NCOA2: variants seen among roughly 807,000 people sequenced by gnomAD.
The protein encoded by NCOA2 is class E basic helix-loop-helix protein 75.
In NCOA2, 21 loss-of-function variants were observed where a neutral mutation model predicts 145.1. The observed-to-expected ratio is 0.14, with a 90% confidence interval of 0.10 to 0.21. The LOEUF (loss-of-function observed/expected upper bound fraction) is 0.21. NCOA2 is among the 10% of genes least tolerant of loss of function. NCOA2 has a pLI of 1.00. For missense variants in NCOA2, 1,472 were observed against 1,837.6 expected (o/e 0.80, Z 3.64); for synonymous variants, 619 against 637.5 (o/e 0.97, Z 0.44).
At chr8:70,298,115 A>G (rs1366464918) in intron 1 of NCOA2, among the ~76,000 whole-genome samples, 1 of 152,204 alleles carries the variant, frequency 6.6e-6, no homozygotes, top group Non-Finnish European at 1.5e-5. Context: ...CATCAGTAAG[A>G]ATTTACAATT....
chr8:70,309,768 T>C (rs1377965808), intron 1 of NCOA2, among the ~76,000 whole-genome samples: 3 of 151,758 alleles, frequency 2.0e-5, no homozygotes, highest in Admixed American at 6.6e-5. Context: ...ATGGGCAACA[T>C]AGTGAGACAC....
At chr8:70,240,832 A>G (rs1259950332) in intron 2 of NCOA2, among the ~76,000 whole-genome samples, 1 of 152,200 alleles carries the variant, frequency 6.6e-6, no homozygotes, top group East Asian at 1.9e-4. Flanking sequence ...ACTAGGAGCC[A>G]TGCCTCAGAA....
At chr8:70,167,803 A>G (rs1813797319) in intron 6 of NCOA2, among the ~76,000 whole-genome samples, 1 of 152,260 alleles carries the variant, frequency 6.6e-6, no homozygotes, top group South Asian at 2.1e-4. Flanking sequence ...AGAGATAACA[A>G]TGAAAGAAAT....
chr8:70,293,995 T>C (rs914566796), intron 2 of NCOA2, among the ~76,000 whole-genome samples: 2 of 152,150 alleles, frequency 1.3e-5, no homozygotes, highest in Admixed American at 6.5e-5. Context: ...TATTTTCAAA[T>C]CAAAATCTTA....
At chr8:70,440,570 A>G in the NCOA2 span, among the ~76,000 whole-genome samples, 3 of 150,884 alleles carry the variant, frequency 2.0e-5, no homozygotes, top group African/African-American at 4.9e-5. Context: ...GAGATAAGGG[A>G]GAGAGAGAGA....
intron 2 of NCOA2, among the ~76,000 whole-genome samples, chr8:70,225,268 G>A (rs1379866904): frequency 6.6e-6 from 1 of 152,058 alleles, no homozygotes; most frequent in Admixed American, 6.6e-5. Context: ...AAACAAGGTA[G>A]GGCCAGGCGC....
intron 1 of NCOA2, among the ~76,000 whole-genome samples, chr8:70,384,839 T>C (rs919009182): frequency 6.6e-6 from 1 of 152,180 alleles, no homozygotes; most frequent in African/African-American, 2.4e-5. Flanking sequence ...GTAAGCCAAA[T>C]GATACATCAG....
chr8:70,449,521 A>G, the NCOA2 span, among the ~76,000 whole-genome samples: 2 of 152,230 alleles, frequency 1.3e-5, no homozygotes, highest in East Asian at 3.8e-4. Context: ...GGGAGCGAGC[A>G]AAGGAACACG....
intron 4 of NCOA2, among the ~76,000 whole-genome samples, chr8:70,201,928 T>C (rs1310113367): frequency 6.6e-6 from 1 of 152,202 alleles, no homozygotes; most frequent in Non-Finnish European, 1.5e-5. Context: ...TCCTGTACCT[T>C]AGAATCTCCC....
intron 1 of NCOA2, among the ~76,000 whole-genome samples, chr8:70,305,733 A>G (rs560042340): frequency 6.6e-6 from 1 of 152,362 alleles, no homozygotes; most frequent in South Asian, 2.1e-4. Flanking sequence ...TCAAACAAAA[A>G]TAAGTTTATT....
intron 4 of NCOA2, among the ~76,000 whole-genome samples, chr8:70,178,236 T>C (rs547191947): frequency 6.6e-6 from 1 of 152,220 alleles, no homozygotes; most frequent in South Asian, 2.1e-4. Context: ...ATGTACAGTA[T>C]TTTATTTTTA....
intron 11 of NCOA2, among the ~76,000 whole-genome samples, chr8:70,152,645 T>G (rs1042190156): frequency 1.3e-5 from 2 of 152,212 alleles, no homozygotes; most frequent in Non-Finnish European, 2.9e-5. Context: ...GCATGTAACT[T>G]AAAAGTGTGT....
At position 70,147,663 on chromosome 8, in the gene NCOA2, C is replaced by A. The variant is rs138029969; in HGVS notation, c.2605+610G>T. 3.4e-3 allele frequency among the ~76,000 whole-genome samples: 512 copies of A among 152,262 alleles called. 3 individuals carry two copies. Among genetic ancestry groups the A allele is most frequent in the African/African-American group, 0.012 (493 of 41,562 alleles). On this transcript the variant is annotated intron_variant, in intron 12 of 22. Transcript: ENST00000452400. Reference sequence around the variant, plus strand: ...AATGAAAAGATAGAAGATGTTCTTTCTAAACAGACAACTTAACTTAGAATA... The same window carrying A: ...AATGAAAAGATAGAAGATGTTCTTTATAAACAGACAACTTAACTTAGAATA...
intron 2 of NCOA2, among the ~76,000 whole-genome samples, chr8:70,243,983 G>C (rs536293102): frequency 6.6e-6 from 1 of 151,712 alleles, no homozygotes; most frequent in African/African-American, 2.4e-5. Flanking sequence ...TAGATATAAA[G>C]AAGAATCTCC....
intron 1 of NCOA2, among the ~76,000 whole-genome samples, chr8:70,350,900 C>T (rs1383729541): frequency 1.3e-5 from 2 of 152,170 alleles, no homozygotes; most frequent in Admixed American, 1.3e-4. Context: ...ACCACAGACT[C>T]AGTAATTTAT....
At chr8:70,330,426 C>A (rs911971208) in intron 1 of NCOA2, among the ~76,000 whole-genome samples, 85 of 151,878 alleles carry the variant, frequency 5.6e-4, no homozygotes, top group African/African-American at 2.0e-3. Context: ...AAAAGATAAG[C>A]CGGGCATGGT....
At chr8:70,338,546 C>A (rs180709439) in intron 1 of NCOA2, among the ~76,000 whole-genome samples, 68 of 152,202 alleles carry the variant, frequency 4.5e-4, no homozygotes, top group Non-Finnish European at 6.6e-4. Context: ...TGAAACTATT[C>A]CAAAAAACTG....
At chr8:70,117,533 T>TC (rs1364700660) in intron 22 of NCOA2, among the ~76,000 whole-genome samples, 4 of 152,328 alleles carry the variant, frequency 2.6e-5, no homozygotes, top group Admixed American at 2.6e-4. Context: ...ATCTTTCTTG[T>TC]CCCTTCAAGA....
At chr8:70,229,453 A>G (rs1820943779) in intron 2 of NCOA2, among the ~76,000 whole-genome samples, 1 of 152,216 alleles carries the variant, frequency 6.6e-6, no homozygotes. Flanking sequence ...AATGGGTATA[A>G]TTTTCCAAAG....
Sources: allele counts gnomAD v4.1 joint callset (sites outside exome capture counted in the v4.1 genomes callset), GRCh38; gene constraint gnomAD v4.1.1; transcripts MANE v1.5; gene names NCBI Gene and HGNC (gene_info 2026-07-23, HGNC 2026-07-21).